The following NRL variants were observed in gnomAD, a reference collection of about 807,000 sequenced individuals.
NRL encodes neural retina-specific leucine zipper protein.
Under a neutral mutation model 12.5 loss-of-function variants are expected in NRL, and 16 were observed. The observed-to-expected ratio is 1.28, with a 90% CI of 0.87 to 1.95. NRL has a LOEUF of 1.95. Among genes scored for constraint, NRL ranks in the 30% most tolerant of loss-of-function variants. The pLI, the probability that NRL is intolerant of heterozygous loss-of-function variation, is 0.00. For synonymous variants in NRL, 142 were observed against 150.9 expected, an observed-to-expected ratio of 0.94 and a Z score of 0.43; for missense variants, 314 against 325.8, an observed-to-expected ratio of 0.96 and a Z score of 0.28.
chr14:24,095,208 G>A (rs1489293628), intron 1 of NRL: 1 of 455,972 alleles, frequency 2.2e-6, no homozygotes, highest in African/African-American at 2.0e-5. Flanking sequence ...GGCAGCCCTT[G>A]TGGGTGGTCT....
intron 1 of NRL, 21 bp from the exon 2 acceptor site, chr14:24,082,896 C>G: frequency 1.3e-6 from 2 of 1,576,646 alleles, no homozygotes; most frequent in Non-Finnish European, 1.7e-6. Context: ...GAGGAGAGGT[C>G]TGGAGCACAT....
chr14:24,098,339 G>A (rs1172701466), intron 1 of NRL: 11 of 1,613,832 alleles, frequency 6.8e-6, no homozygotes, highest in African/African-American at 1.3e-5. Flanking sequence ...GATGTCCCCA[G>A]CTGATTTCCA....
intron 1 of NRL, chr14:24,093,989 G>C: frequency 2.0e-6 from 1 of 510,310 alleles, no homozygotes; most frequent in Non-Finnish European, 3.4e-6. Flanking sequence ...CTCGTTCCTA[G>C]CTTGTTTGCC....
intron 1 of NRL, among the ~76,000 whole-genome samples, chr14:24,088,803 ATTT>A (rs756699961): frequency 2.5e-4 from 27 of 106,416 alleles, no homozygotes; most frequent in African/African-American, 7.7e-4. Flanking sequence ...TGCCTGGCTA[ATTT>A]TTTTTTTTTT....
At position 24,103,975 on chromosome 14, in the gene NRL, TA is replaced by T. The variant is rs759388451; in HGVS notation, c.-28+10746del. On this transcript the variant is annotated intron_variant, in intron 1 of 2. Transcript: ENST00000561028. ...GTGCACAAAATGTGACCTGAGGCCC[TA>T]GTCTAGCAAGAGGACATAGCACCCT... 30 of 1,604,126 alleles carry T rather than the reference TA, an allele frequency of 1.9e-5. No individual in the cohort carries two copies. In the African/African-American group the frequency reaches 4.0e-4, roughly 21 times the overall value.
intron 1 of NRL, chr14:24,102,848 G>A (rs774378735): frequency 6.2e-7 from 1 of 1,613,978 alleles, no homozygotes; most frequent in East Asian, 2.2e-5. Flanking sequence ...CCCAGAGGGT[G>A]TCCCCATTGA....
Position 24,081,835 on chromosome 14 carries a change from C to A in NRL, c.382-267G>T. On this transcript the variant is annotated intron_variant, in intron 2 of 2. Coordinates refer to ENST00000561028, the MANE Select transcript of NRL (RefSeq NM_001354768.3). The surrounding 1 kb of genome is among the most constrained non-coding windows in gnomAD (Gnocchi z 4.4). ...CACGGTCAGGCGAGCCCGTCGCGCA[C>A]CTAAACCCCGGGCTCGTCTCTGGGA... 1 of 1,419,692 alleles carries A rather than the reference C, an allele frequency of 7.0e-7. No homozygotes were observed. Among genetic ancestry groups the A allele is most frequent in the Non-Finnish European group, 9.2e-7 (1 of 1,088,876 alleles). 87.9% of individuals were successfully genotyped at this position (1,419,692 alleles called of 1,614,324 possible).
intron 1 of NRL, among the ~76,000 whole-genome samples, chr14:24,101,881 C>T (rs575550966): frequency 1.2e-3 from 190 of 152,086 alleles, no homozygotes; most frequent in African/African-American, 4.3e-3. Flanking sequence ...TGCCACTGCA[C>T]TCCAGCCTGG....
intron 1 of NRL, among the ~76,000 whole-genome samples, chr14:24,106,237 T>C (rs1048785848): frequency 2.6e-5 from 4 of 152,170 alleles, no homozygotes; most frequent in African/African-American, 9.7e-5. Flanking sequence ...AGGTGGGTAG[T>C]GTGGTAGTCT....
At chr14:24,091,913 T>G (rs1351607828) in intron 1 of NRL, among the ~76,000 whole-genome samples, 1 of 152,138 alleles carries the variant, frequency 6.6e-6, no homozygotes, top group Non-Finnish European at 1.5e-5. Flanking sequence ...GCAGGCATCT[T>G]GGAGGTCAAG....
intron 1 of NRL, chr14:24,098,508 G>T: frequency 6.2e-7 from 1 of 1,614,132 alleles, no homozygotes; most frequent in Non-Finnish European, 8.5e-7. Context: ...TTCAGCATGG[G>T]TCCTGTGGGC....
chr14:24,087,973 G>C (rs976438427), intron 1 of NRL, among the ~76,000 whole-genome samples: 3 of 152,040 alleles, frequency 2.0e-5, no homozygotes, highest in Non-Finnish European at 4.4e-5. Context: ...GGGTGCAGTG[G>C]GCCATGATGG....
intron 1 of NRL, chr14:24,093,450 C>G (rs1369971642): frequency 1.3e-5 from 2 of 152,256 alleles, no homozygotes; most frequent in African/African-American, 4.8e-5. Context: ...GAGGCCAAGG[C>G]AGGCGGATCA....
At chr14:24,114,284 G>C (rs986342747) in intron 1 of NRL, 1 of 152,322 alleles carries the variant, frequency 6.6e-6, no homozygotes, top group African/African-American at 2.4e-5. Flanking sequence ...ATAAAGGGAG[G>C]TCTAAAAGGG....
chr14:24,081,931 C>T lies in NRL; in HGVS notation c.382-363G>A. ...ACCCAGACAGCCCCCAACCCTCCAA[C>T]GCGCTGCGTTTCCCTGTCCTGAAGC... On this transcript the variant is annotated intron_variant, in intron 2 of 2. Coordinates refer to ENST00000561028, the MANE Select transcript of NRL (RefSeq NM_001354768.3). The surrounding 1 kb of genome is among the most constrained non-coding windows in gnomAD (Gnocchi z 4.4). 17 of 1,264,244 alleles carry T rather than the reference C, an allele frequency of 1.3e-5. No homozygotes were observed. Among genetic ancestry groups the T allele is most frequent in the Non-Finnish European group, 1.7e-5 (17 of 993,738 alleles). The allele number at this position is 1,264,244 out of a possible 1,614,324, so 78.3% of individuals were successfully genotyped here.
At chr14:24,082,302 G>C (rs1295803941) in intron 2 of NRL, among the ~76,000 whole-genome samples, 166 bp downstream of exon 2, 1 of 152,210 alleles carries the variant, frequency 6.6e-6, no homozygotes. Context: ...GGGAGAAGCA[G>C]AATGTAGTTT....
At chr14:24,099,565 G>C in intron 1 of NRL, 1 of 1,591,774 alleles carries the variant, frequency 6.3e-7, no homozygotes, top group Non-Finnish European at 8.6e-7. Flanking sequence ...CAGATCCTGG[G>C]CATCACCAGC....
At chr14:24,091,366 G>T (rs1043125344) in intron 1 of NRL, among the ~76,000 whole-genome samples, 1 of 152,184 alleles carries the variant, frequency 6.6e-6, no homozygotes, top group Non-Finnish European at 1.5e-5. Context: ...GGCCAGGATG[G>T]TGTGTGTTTA....
In NRL at chr14:24,094,486, C is replaced by T; in HGVS notation, c.-27-11611G>A. ...CCCGCACCTTCCGCTGCGCTCGCCC[C>T]CTCGGGGCTGCCAGTGGCGCTCTCC... On this transcript the variant is annotated intron_variant, in intron 1 of 2. Transcript: ENST00000561028. This position sits in a 1 kb window ranked among gnomAD's most constrained non-coding sequence, Gnocchi z 4.1. 3 of 1,485,338 alleles carry T rather than the reference C, an allele frequency of 2.0e-6. No homozygotes were observed. Among genetic ancestry groups the T allele is most frequent in the Non-Finnish European group, 2.7e-6 (3 of 1,125,042 alleles). 92.0% of individuals were successfully genotyped at this position (1,485,338 alleles called of 1,614,324 possible). A position where few individuals can be genotyped will look rare whatever the true frequency, so the allele number is the denominator to read the frequency against.
Sources: gnomAD v4.1 joint callset for allele counts (sites outside exome capture counted in the v4.1 genomes callset) on GRCh38, gnomAD v4.1.1 for gene constraint, Gnocchi (gnomAD v3.1) non-coding constraint, MANE v1.5 for transcripts, NCBI Gene and HGNC (gene_info 2026-07-23, HGNC 2026-07-21) for gene names.